CADM1: variants seen among roughly 807,000 people sequenced by gnomAD.
CADM1 encodes the protein TSLC-1.
CADM1 carries 15 observed loss-of-function variants against 53.1 expected under a neutral mutation model. The ratio of observed to expected loss-of-function variants is 0.28; its 90% confidence interval spans 0.19 to 0.44. CADM1 has a LOEUF of 0.44. Among genes scored for constraint, CADM1 ranks in the 20% least tolerant of loss-of-function variants. The pLI, the probability that CADM1 is intolerant of heterozygous loss-of-function variation, is 1.00. For missense variants in CADM1, 434 were observed against 611.3 expected, an observed-to-expected ratio of 0.71 and a Z score of 3.06; for synonymous variants, 281 against 243.0, an observed-to-expected ratio of 1.16 and a Z score of -1.45.
intron 1 of CADM1, among the ~76,000 whole-genome samples, chr11:115,250,100 T>G (rs1430903416): frequency 6.6e-6 from 1 of 152,192 alleles, no homozygotes. Context: ...AGATGAGGTT[T>G]CACTGTGTTA....
At chr11:115,396,410 G>A (rs1042820866) in intron 1 of CADM1, among the ~76,000 whole-genome samples, 2 of 152,170 alleles carry the variant, frequency 1.3e-5, no homozygotes, top group African/African-American at 4.8e-5. Context: ...AGAGAGCCAG[G>A]GTTGAGCTAC....
At chr11:115,241,787 A>G (rs1942241398) in intron 1 of CADM1, among the ~76,000 whole-genome samples, 1 of 152,158 alleles carries the variant, frequency 6.6e-6, no homozygotes, top group South Asian at 2.1e-4. Flanking sequence ...GGACCTCCCT[A>G]TGCAGCTGTT....
At chr11:115,335,983 G>C (rs182633996) in intron 1 of CADM1, among the ~76,000 whole-genome samples, 20 of 152,160 alleles carry the variant, frequency 1.3e-4, no homozygotes, top group Admixed American at 1.2e-3. Context: ...CCAAATACGC[G>C]TCTGAATAAC....
rs1565311368 is a variant in CADM1 at position 115,229,135 on chromosome 11, G to C, written c.699C>G (p.Thr233=). Residue 233 remains threonine (T), a synonymous_variant, in exon 5 of 12, where the codon ACC becomes ACG. Transcript: ENST00000331581. ...CACACTGTACTTCTAGATACCGCTGGGTCTGCAGGTTTCCAGTGACCGCAG... is the reference window on the plus strand; with the variant it reads ...CACACTGTACTTCTAGATACCGCTGCGTCTGCAGGTTTCCAGTGACCGCAG... ...EHPAVTGNLQ[T]QRYLEVQYKP... 1 of 1,613,954 alleles carries C rather than the reference G, an allele frequency of 6.2e-7. No individual in the cohort carries two copies. The highest frequency in any genetic ancestry group is 8.5e-7 in the Non-Finnish European group (1 of 1,179,990).
At chr11:115,282,495 C>T (rs943127104) in intron 1 of CADM1, among the ~76,000 whole-genome samples, 2 of 152,194 alleles carry the variant, frequency 1.3e-5, no homozygotes, top group African/African-American at 4.8e-5. Context: ...TAGTTAGCAA[C>T]TTGGGTTCAC....
At chr11:115,308,189 GGT>G (rs200028770) in intron 1 of CADM1, among the ~76,000 whole-genome samples, 19,150 of 84,382 alleles carry the variant, frequency 0.23, 1,552 homozygotes, top group African/African-American at 0.33. Context: ...ATCACTCATA[GGT>G]GTGTATATAT....
Position 115,175,838 on chromosome 11 carries a change from A to G in CADM1, c.*636T>C, listed in dbSNP as rs972417406. 1.1e-5 allele frequency: 11 copies of G among 995,364 alleles called. No homozygotes were observed. The highest frequency in any genetic ancestry group is 1.3e-5 in the Non-Finnish European group (11 of 835,992). 61.7% of individuals were successfully genotyped at this position (995,364 alleles called of 1,614,324 possible). On this transcript the variant is annotated 3_prime_UTR_variant, in exon 12 of 12. Transcript: ENST00000331581. ...GTCTTCACTGCTCTAAGTATTTGAA[A>G]CATGGGCAGCAGCAAAGAGTTTTCA...
intron 1 of CADM1, among the ~76,000 whole-genome samples, chr11:115,427,938 G>A (rs779927109): frequency 1.3e-4 from 19 of 150,060 alleles, no homozygotes; most frequent in Middle Eastern, 3.5e-3. Flanking sequence ...CCCATGAGGC[G>A]GAGCTTGCAG....
At chr11:115,283,615 T>A (rs574891984) in intron 1 of CADM1, among the ~76,000 whole-genome samples, 2 of 152,306 alleles carry the variant, frequency 1.3e-5, no homozygotes, top group African/African-American at 4.8e-5. Context: ...AAGTCCATTA[T>A]CCTCAAAGTA....
chr11:115,248,815 G>C (rs1476681835), intron 1 of CADM1, among the ~76,000 whole-genome samples: 1 of 152,148 alleles, frequency 6.6e-6, no homozygotes. Flanking sequence ...AGCCCCCAAA[G>C]TAGAAAAGCC....
chr11:115,427,910 G>A (rs1230880659), intron 1 of CADM1, among the ~76,000 whole-genome samples: 1 of 147,748 alleles, frequency 6.8e-6, no homozygotes, highest in African/African-American at 2.5e-5. Context: ...CAGAGGCTAA[G>A]GTAAGAGAAT....
chr11:115,219,533 C>A (rs1941325212), intron 5 of CADM1, among the ~76,000 whole-genome samples: 1 of 152,148 alleles, frequency 6.6e-6, no homozygotes, highest in South Asian at 2.1e-4. Context: ...TCCAGCTGAC[C>A]CTTGCAAGTT....
chr11:115,267,673 GCTTT>G lies in CADM1; in HGVS notation c.125-27257_125-27254del, dbSNP rs1435711394. Among the ~76,000 whole-genome samples, 92 of 136,768 alleles carry G rather than the reference GCTTT, an allele frequency of 6.7e-4. No homozygotes were observed. The East Asian group carries it at 9.6e-3, about 14-fold the overall frequency. The allele number at this position is 136,768 out of a possible 152,430, so 89.7% of individuals were successfully genotyped here. ...CTACTACACAAACTAACCTAAAATT[GCTTT>G]CTTTTTTTTTTTTTTTTTTTTCTAA... On this transcript the variant is annotated intron_variant, in intron 1 of 11. Coordinates refer to ENST00000331581, the MANE Select transcript of CADM1 (RefSeq NM_001301043.2).
At chr11:115,390,272 T>A (rs572271612) in intron 1 of CADM1, among the ~76,000 whole-genome samples, 31 of 152,218 alleles carry the variant, frequency 2.0e-4, no homozygotes, top group African/African-American at 6.3e-4. Flanking sequence ...AGAGTATATG[T>A]TCAAGCTGAA....
chr11:115,477,450 A>C (rs79438584), intron 1 of CADM1, among the ~76,000 whole-genome samples: 4 of 152,018 alleles, frequency 2.6e-5, no homozygotes, highest in Non-Finnish European at 5.9e-5. Context: ...GAAGAAAATT[A>C]AAAATGTAAG....
At chr11:115,380,169 T>C (rs1946539123) in intron 1 of CADM1, among the ~76,000 whole-genome samples, 1 of 152,052 alleles carries the variant, frequency 6.6e-6, no homozygotes, top group Non-Finnish European at 1.5e-5. Flanking sequence ...ATTTCAAAGA[T>C]GTAAAGTGAA....
chr11:115,253,355 T>C (rs1276097382), intron 1 of CADM1, among the ~76,000 whole-genome samples: 3 of 152,154 alleles, frequency 2.0e-5, no homozygotes, highest in African/African-American at 7.2e-5. Flanking sequence ...ATTGAGACCT[T>C]TCCTGCTTTC....
At position 115,173,927 on chromosome 11, in the gene CADM1, C is replaced by T; in HGVS notation, c.*2547G>A. 1.0e-6 allele frequency: 1 copy of T among 967,324 alleles called. No homozygotes were observed. Among genetic ancestry groups the T allele is most frequent in the South Asian group, 4.8e-5 (1 of 20,884 alleles). The allele number at this position is 967,324 out of a possible 1,614,324, so 59.9% of individuals were successfully genotyped here. On this transcript the variant is annotated 3_prime_UTR_variant, in exon 12 of 12. Coordinates refer to ENST00000331581, the MANE Select transcript of CADM1 (RefSeq NM_001301043.2). ...ACAAAAAACAAGTTTGTTCTTTCTT[C>T]ACTCTAAAAAAAGTGATCAACCTGT...
chr11:115,185,035 G>A (rs775802167), intron 10 of CADM1, among the ~76,000 whole-genome samples: 3 of 152,200 alleles, frequency 2.0e-5, no homozygotes, highest in Non-Finnish European at 4.4e-5. Context: ...GTGACTTCAG[G>A]CAGGTCAATG....
Sources: gnomAD v4.1 joint callset for allele counts (sites outside exome capture counted in the v4.1 genomes callset) on GRCh38, gnomAD v4.1.1 for gene constraint, MANE v1.5 for transcripts, NCBI Gene and HGNC (gene_info 2026-07-23, HGNC 2026-07-21) for gene names.